The following LEKR1 variants were observed in gnomAD, a reference collection of about 807,000 sequenced individuals.
LEKR1 encodes the protein protein LEKR1.
LEKR1 carries 59 observed loss-of-function variants against 72.4 expected under a neutral mutation model. The ratio of observed to expected loss-of-function variants is 0.82; its 90% CI spans 0.66 to 1.01. The LOEUF is 1.01. Among genes scored for constraint, LEKR1 ranks in the 50% least tolerant of loss-of-function variants. The pLI is 0.00. For missense variants in LEKR1, 728 were observed against 759.2 expected (o/e 0.96, Z 0.48); for synonymous variants, 257 against 263.2 (o/e 0.98, Z 0.23).
In LEKR1 at chr3:157,045,892, A is replaced by G. The variant is rs1735723128; in HGVS notation, c.*142A>G. 2 of 765,212 alleles carry G rather than the reference A, an allele frequency of 2.6e-6. No individual in the cohort carries two copies. Among genetic ancestry groups the G allele is most frequent in the Non-Finnish European group, 2.0e-6 (1 of 494,942 alleles). 47.4% of individuals were successfully genotyped at this position (765,212 alleles called of 1,614,324 possible). A position where few individuals can be genotyped will look rare whatever the true frequency, so the allele number is the denominator to read the frequency against. ...TACCTATAGATGTATTTAACAAAAG[A>G]CTGTAAAAAGCTGGAAAATTGTGAA... On this transcript the variant is annotated 3_prime_UTR_variant, in exon 13 of 13. Coordinates refer to ENST00000356539, the MANE Select transcript of LEKR1 (RefSeq NM_001004316.3).
At chr3:156,868,345 A>C (rs952946889) in intron 3 of LEKR1, among the ~76,000 whole-genome samples, 1 of 151,966 alleles carries the variant, frequency 6.6e-6, no homozygotes, top group African/African-American at 2.4e-5. Context: ...CTATTAACGG[A>C]TGTGAATTTT....
At chr3:156,938,375 T>C (rs1725908635) in intron 5 of LEKR1, among the ~76,000 whole-genome samples, 1 of 152,208 alleles carries the variant, frequency 6.6e-6, no homozygotes, top group African/African-American at 2.4e-5. Context: ...TATGTTTTTT[T>C]GTTTGTTTGC....
intron 9 of LEKR1, among the ~76,000 whole-genome samples, chr3:156,996,342 A>G (rs922494587): frequency 1.3e-5 from 2 of 151,866 alleles, no homozygotes; most frequent in Non-Finnish European, 1.5e-5. Flanking sequence ...AGAGCCAGGG[A>G]GGAACTTTTA....
intron 12 of LEKR1, among the ~76,000 whole-genome samples, chr3:157,038,356 A>G (rs1347500247): frequency 1.3e-5 from 2 of 152,234 alleles, no homozygotes; most frequent in Non-Finnish European, 2.9e-5. Context: ...AGGAATATCA[A>G]GAATTTTATT....
intron 3 of LEKR1, among the ~76,000 whole-genome samples, chr3:156,856,157 A>C (rs1716034474): frequency 6.6e-6 from 1 of 152,162 alleles, no homozygotes; most frequent in South Asian, 2.1e-4. Context: ...TTTGAGGTAG[A>C]TTTCCAATTT....
intron 12 of LEKR1, among the ~76,000 whole-genome samples, chr3:157,045,097 T>C (rs2321459): frequency 0.72 from 109,321 of 152,040 alleles, 39,804 homozygotes; most frequent in East Asian, 0.93. Context: ...TCAGTCTCTG[T>C]AGTTCTTGAC....
At chr3:156,833,670 G>A (rs1416600835) in intron 2 of LEKR1, among the ~76,000 whole-genome samples, 1 of 151,872 alleles carries the variant, frequency 6.6e-6, no homozygotes, top group Non-Finnish European at 1.5e-5. Flanking sequence ...GGACTTCAGG[G>A]GACCTAATAT....
At chr3:156,963,950 A>G (rs1360589032) in intron 6 of LEKR1, among the ~76,000 whole-genome samples, 1 of 152,170 alleles carries the variant, frequency 6.6e-6, no homozygotes, top group South Asian at 2.1e-4. Context: ...CTGATGGTAA[A>G]CATAAGCTTT....
intron 3 of LEKR1, among the ~76,000 whole-genome samples, chr3:156,912,351 A>G (rs994766155): frequency 6.6e-6 from 1 of 152,260 alleles, no homozygotes; most frequent in East Asian, 1.9e-4. Flanking sequence ...TATTCCAGGA[A>G]GGAGTGTAGC....
intron 6 of LEKR1, among the ~76,000 whole-genome samples, chr3:156,968,981 A>G (rs1260943575): frequency 6.6e-6 from 1 of 152,176 alleles, no homozygotes; most frequent in Non-Finnish European, 1.5e-5. Context: ...CTCACTCAAA[A>G]CTGCTCAACT....
chr3:156,902,893 TA>T (rs141130317), intron 3 of LEKR1, among the ~76,000 whole-genome samples: 3 of 151,976 alleles, frequency 2.0e-5, no homozygotes, highest in African/African-American at 7.2e-5. Context: ...ATCCTGATTT[TA>T]AAAAAAGCAC....
intron 12 of LEKR1, among the ~76,000 whole-genome samples, chr3:157,037,374 G>A (rs1280118254): frequency 6.6e-6 from 1 of 152,086 alleles, no homozygotes; most frequent in Non-Finnish European, 1.5e-5. Flanking sequence ...AAGGAATAAA[G>A]TATAAAAAGG....
Position 157,011,484 on chromosome 3 carries a change from GTGA to G in LEKR1, c.1186_1188del (p.Asp396del). On this transcript the variant is annotated inframe_deletion, in exon 10 of 13. Transcript: ENST00000356539. Reference sequence around the variant, plus strand: ...GAAACCCTTAGACAGAAGCTGCTGAGTGATGATAACTGGAAGGAGAAGGTAATG... The same window carrying G: ...GAAACCCTTAGACAGAAGCTGCTGAGTGATAACTGGAAGGAGAAGGTAATG... The G allele has an allele frequency of 6.2e-7, 1 of 1,612,496 alleles. No homozygotes were observed. The highest frequency in any genetic ancestry group is 8.5e-7 in the Non-Finnish European group (1 of 1,178,688).
chr3:156,936,908 G>A (rs1010947863), intron 5 of LEKR1, among the ~76,000 whole-genome samples: 2 of 152,140 alleles, frequency 1.3e-5, no homozygotes, highest in African/African-American at 4.8e-5. Context: ...CCTAGGATTA[G>A]GCAAAGAGTT....
chr3:157,017,294 T>G (rs1285476293), intron 10 of LEKR1: 1 of 152,212 alleles, frequency 6.6e-6, no homozygotes, highest in Non-Finnish European at 1.5e-5. Flanking sequence ...TTATCTTGGA[T>G]AAAAATGCAA....
In LEKR1 at chr3:157,024,904, C is replaced by T. The variant is rs1241226250; in HGVS notation, c.1348C>T (p.Gln450Ter). ...QDVIQKYKKEQEELQMKISDL... is the reference protein window; with the variant it reads ...QDVIQKYKKE ...TGTAATCCAAAAGTATAAGAAAGAA[C>T]AAGAGGAACTACAAATGAAGGTCTG... Residue 450 changes from glutamine to a stop codon, truncating the protein, a stop_gained, in exon 11 of 13, where the codon CAA becomes TAA. Coordinates refer to ENST00000356539, the MANE Select transcript of LEKR1 (RefSeq NM_001004316.3). LOFTEE classifies it high-confidence loss of function. 1 of 1,589,408 alleles carries T rather than the reference C, an allele frequency of 6.3e-7. No homozygotes were observed. The highest frequency in any genetic ancestry group is 1.8e-5 in the Admixed American group (1 of 55,788).
At chr3:157,035,503 T>G (rs1212909869) in intron 12 of LEKR1, among the ~76,000 whole-genome samples, 1 of 152,160 alleles carries the variant, frequency 6.6e-6, no homozygotes, top group Non-Finnish European at 1.5e-5. Flanking sequence ...CCCAGTACCC[T>G]TCACACTCTC....
intron 5 of LEKR1, among the ~76,000 whole-genome samples, chr3:156,930,672 C>G (rs1430504072): frequency 6.6e-6 from 1 of 151,998 alleles, no homozygotes; most frequent in African/African-American, 2.4e-5. Context: ...TAAACATCAT[C>G]TAAGATTTAT....
chr3:157,045,316 T>A, intron 12 of LEKR1, 24 bp from the exon 13 acceptor site: 1 of 1,586,666 alleles, frequency 6.3e-7, no homozygotes, highest in East Asian at 2.2e-5. Flanking sequence ...TAAGTCTGCT[T>A]TCTTTTCCCC....
Sources: allele counts gnomAD v4.1 joint callset (sites outside exome capture counted in the v4.1 genomes callset), GRCh38; gene constraint gnomAD v4.1.1; transcripts MANE v1.5; gene names NCBI Gene and HGNC (gene_info 2026-07-23, HGNC 2026-07-21).